Variants in TMEM207 observed in about 807,000 individuals in gnomAD.
The protein encoded by TMEM207 is transmembrane protein 207, also known as SRSR846.
A neutral mutation model predicts 17.4 loss-of-function variants in TMEM207; 15 were observed. The ratio of observed to expected loss-of-function variants is 0.86; its 90% CI spans 0.58 to 1.33. The LOEUF (loss-of-function observed/expected upper bound fraction) is 1.33, where lower values mean the gene tolerates loss of function less well. Among genes scored for constraint, TMEM207 ranks in the 40% most tolerant of loss-of-function variants. The pLI is 0.00. For synonymous variants in TMEM207, 70 were observed against 65.6 expected, an observed-to-expected ratio of 1.07 and a Z score of -0.33; for missense variants, 205 against 173.8, an observed-to-expected ratio of 1.18 and a Z score of -1.01.
intron 2 of TMEM207, among the ~76,000 whole-genome samples, chr3:190,444,133 CT>C (rs1719995565): frequency 6.6e-6 from 1 of 152,142 alleles, no homozygotes; most frequent in South Asian, 2.1e-4. Context: ...ATTGGTTTCT[CT>C]GTTACATCAC....
Position 190,449,728 on chromosome 3 carries a change from T to G in TMEM207, c.75+7A>C, listed in dbSNP as rs754084996. ...GAAAACCTTAACCCAGAAAGAGAGA[T>G]AGTTACCTGGAATAGCGGCAAACAC... On this transcript the variant is annotated splice_region_variant and intron_variant, in intron 1 of 4. Transcript: ENST00000354905. 11 of 1,613,582 alleles carry G rather than the reference T, an allele frequency of 6.8e-6. No individual in the cohort carries two copies. The highest frequency in any genetic ancestry group is 9.3e-6 in the Non-Finnish European group (11 of 1,179,602).
At chr3:190,449,089 T>C (rs1372018769) in intron 1 of TMEM207, among the ~76,000 whole-genome samples, 1 of 152,184 alleles carries the variant, frequency 6.6e-6, no homozygotes, top group Non-Finnish European at 1.5e-5. Flanking sequence ...CACTTCCGTG[T>C]TTTTTCTGTG....
intron 4 of TMEM207, among the ~76,000 whole-genome samples, chr3:190,433,420 TTAACC>T (rs1279878729): frequency 6.6e-6 from 1 of 152,096 alleles, no homozygotes; most frequent in Non-Finnish European, 1.5e-5. Context: ...AACAAAACAA[TTAACC>T]TAATCAACAA....
intron 1 of TMEM207, among the ~76,000 whole-genome samples, chr3:190,448,769 T>C (rs889837852): frequency 6.6e-6 from 1 of 152,146 alleles, no homozygotes; most frequent in Non-Finnish European, 1.5e-5. Context: ...TTTCCCCCCT[T>C]AATCCCAAAA....
At chr3:190,441,894 C>T (rs1719944773) in intron 2 of TMEM207, among the ~76,000 whole-genome samples, 1 of 152,104 alleles carries the variant, frequency 6.6e-6, no homozygotes, top group Admixed American at 6.6e-5. Context: ...TCAAATTCTC[C>T]AGGGAAGAAT....
chr3:190,441,630 G>A, intron 2 of TMEM207, 148 bp from the exon 3 acceptor site: 1 of 609,960 alleles, frequency 1.6e-6, no homozygotes, highest in South Asian at 2.1e-5. Flanking sequence ...CCCGCACCCA[G>A]CACAATTATG....
Position 190,429,646 on chromosome 3 carries a change from A to G in TMEM207, c.390T>C (p.Phe130=). Residue 130 remains phenylalanine (F), a synonymous_variant, in exon 5 of 5, where the codon TTT becomes TTC. Transcript: ENST00000354905. Reference sequence around the variant, plus strand: ...ATGGAGGTGGGGAGCCTAAAGGGCCAAAACATGGAGCAGGAACAGGATATA... The same window carrying G: ...ATGGAGGTGGGGAGCCTAAAGGGCCGAAACATGGAGCAGGAACAGGATATA... ...PDLYPVPAPC[F]GPLGSPPPYE... is the part of the protein sequence containing the mutation. 3 of 1,613,636 alleles carry G rather than the reference A, an allele frequency of 1.9e-6. No individual in the cohort carries two copies. The highest frequency in any genetic ancestry group is 2.5e-6 in the Non-Finnish European group (3 of 1,179,664).
chr3:190,437,568 G>A (rs912575805), intron 4 of TMEM207, among the ~76,000 whole-genome samples: 102 of 152,162 alleles, frequency 6.7e-4, no homozygotes, highest in Non-Finnish European at 1.2e-3. Context: ...ACACCAGTTA[G>A]AATGGCAATC....
rs148703483 is a variant in TMEM207 at position 190,429,469 on chromosome 3, G to A, written c.*126C>T. On this transcript the variant is annotated 3_prime_UTR_variant, in exon 5 of 5. Coordinates refer to ENST00000354905, the MANE Select transcript of TMEM207 (RefSeq NM_207316.3). ...CCAACATCCATTCTTTTGTCGAATTGTCCTTCCTCAGACTATATGAATAGA... is the reference window on the plus strand; with the variant it reads ...CCAACATCCATTCTTTTGTCGAATTATCCTTCCTCAGACTATATGAATAGA... The A allele has an allele frequency of 7.4e-7, 1 of 1,342,616 alleles. No individual in the cohort carries two copies. Among genetic ancestry groups the A allele is most frequent in the South Asian group, 1.5e-5 (1 of 65,094 alleles). 83.2% of individuals were successfully genotyped at this position (1,342,616 alleles called of 1,614,324 possible).
intron 2 of TMEM207, among the ~76,000 whole-genome samples, chr3:190,443,420 G>A (rs1414128975): frequency 6.6e-6 from 1 of 151,660 alleles, no homozygotes; most frequent in Non-Finnish European, 1.5e-5. Context: ...TTCTGAGCTG[G>A]TGCACCCTCT....
chr3:190,448,943 T>C (rs538855915), intron 1 of TMEM207, among the ~76,000 whole-genome samples: 4 of 152,304 alleles, frequency 2.6e-5, no homozygotes, highest in African/African-American at 9.6e-5. Flanking sequence ...ATGCTGCAAA[T>C]AGATTTGCAT....
intron 4 of TMEM207, among the ~76,000 whole-genome samples, chr3:190,432,428 A>G (rs1429305117): frequency 6.6e-6 from 1 of 152,172 alleles, no homozygotes; most frequent in Admixed American, 6.5e-5. Context: ...ATAGAGTGGT[A>G]AGGAAGAATA....
intron 4 of TMEM207, among the ~76,000 whole-genome samples, chr3:190,435,455 G>A (rs565306083): frequency 1.3e-5 from 2 of 152,234 alleles, no homozygotes; most frequent in Non-Finnish European, 2.9e-5. Flanking sequence ...CATATTCTGA[G>A]ATACTGGGGT....
At chr3:190,435,696 G>T (rs1199035439) in intron 4 of TMEM207, among the ~76,000 whole-genome samples, 7 of 152,168 alleles carry the variant, frequency 4.6e-5, no homozygotes, top group Non-Finnish European at 2.9e-5. Context: ...ATCCTATGAA[G>T]AGGAAGGAAG....
intron 2 of TMEM207, 80 bp from the exon 3 acceptor site, chr3:190,441,562 G>A: frequency 8.9e-7 from 1 of 1,125,290 alleles, no homozygotes; most frequent in Non-Finnish European, 1.3e-6. Flanking sequence ...AATTGGTACT[G>A]ATCACACTTG....
intron 2 of TMEM207, among the ~76,000 whole-genome samples, chr3:190,442,582 T>C (rs1560108336): frequency 6.6e-6 from 1 of 152,126 alleles, no homozygotes; most frequent in Non-Finnish European, 1.5e-5. Context: ...CACATATAAA[T>C]CTCTGCGTCT....
intron 4 of TMEM207, among the ~76,000 whole-genome samples, chr3:190,435,955 A>G (rs922083862): frequency 6.6e-6 from 1 of 152,190 alleles, no homozygotes; most frequent in African/African-American, 2.4e-5. Context: ...AACCTGCACC[A>G]TGTAATAGTA....
chr3:190,429,454 T>A lies in TMEM207; in HGVS notation c.*141A>T. 1.6e-6 allele frequency: 2 copies of A among 1,260,000 alleles called. No homozygotes were observed. Among genetic ancestry groups the A allele is most frequent in the Non-Finnish European group, 2.1e-6 (2 of 935,864 alleles). The allele number at this position is 1,260,000 out of a possible 1,614,324, so 78.1% of individuals were successfully genotyped here. On this transcript the variant is annotated 3_prime_UTR_variant, in exon 5 of 5. Transcript: ENST00000354905. ...TGACCAAAATTTTTTCCAACATCCA[T>A]TCTTTTGTCGAATTGTCCTTCCTCA...
rs1719639444 is a variant in TMEM207, at chr3:190,429,334, C to T, written c.*261G>A. 5.0e-6 allele frequency: 2 copies of T among 399,648 alleles called. No homozygotes were observed. Among genetic ancestry groups the T allele is most frequent in the African/African-American group, 2.1e-5 (1 of 47,678 alleles). 24.8% of individuals were successfully genotyped at this position (399,648 alleles called of 1,614,324 possible). A position where few individuals can be genotyped will look rare whatever the true frequency, so the allele number is the denominator to read the frequency against. ...CACCTAATTGTTGCCTGTTTGGATA[C>T]TAGTGGAGAAGCATTAATTTGGTTG... On this transcript the variant is annotated 3_prime_UTR_variant, in exon 5 of 5. Transcript: ENST00000354905.
Sources: allele counts gnomAD v4.1 joint callset (sites outside exome capture counted in the v4.1 genomes callset), GRCh38; gene constraint gnomAD v4.1.1; transcripts MANE v1.5; gene names NCBI Gene and HGNC (gene_info 2026-07-23, HGNC 2026-07-21).